The following PDCL variants were observed in gnomAD, a reference collection of about 807,000 sequenced individuals.
The protein encoded by PDCL is phosducin-like protein.
In PDCL, 11 loss-of-function variants were observed where a neutral mutation model predicts 26.7. The observed-to-expected ratio is 0.41, with a 90% CI of 0.26 to 0.68. The LOEUF (loss-of-function observed/expected upper bound fraction) is 0.68. Among genes scored for constraint, PDCL ranks in the 30% least tolerant of loss-of-function variants. The pLI, the probability that PDCL is intolerant of heterozygous loss-of-function variation, is 0.30. For missense variants in PDCL, 330 were observed against 371.6 expected, an observed-to-expected ratio of 0.89 and a Z score of 0.92; for synonymous variants, 118 against 134.9, an observed-to-expected ratio of 0.87 and a Z score of 0.87.
At chr9:122,820,792 T>C (rs1356870798) in intron 3 of PDCL, 156 bp from the exon 4 acceptor site, 9 of 562,886 alleles carry the variant, frequency 1.6e-5, no homozygotes, top group South Asian at 1.4e-4. Flanking sequence ...AAGACCAGCC[T>C]GGCCAACATG....
At chr9:122,821,553 A>ATT (rs200462377) in intron 3 of PDCL, among the ~76,000 whole-genome samples, 2,248 of 152,308 alleles carry the variant, frequency 0.015, 18 homozygotes, top group Middle Eastern at 0.027. Flanking sequence ...TAGCACGATT[A>ATT]TAAGTATTTC....
chr9:122,823,990 C>T (rs188832571), intron 2 of PDCL, among the ~76,000 whole-genome samples: 1 of 152,144 alleles, frequency 6.6e-6, no homozygotes, highest in African/African-American at 2.4e-5. Context: ...GGATGGTCTC[C>T]AACTCCTGAC....
At chr9:122,827,741 T>C (rs1039486253) in intron 1 of PDCL, among the ~76,000 whole-genome samples, 1 of 151,394 alleles carries the variant, frequency 6.6e-6, no homozygotes, top group Non-Finnish European at 1.5e-5. Flanking sequence ...CAAAAAAAAA[T>C]AAAAACTAAA....
chr9:122,824,676 C>T (rs1421223235), intron 2 of PDCL, among the ~76,000 whole-genome samples: 1 of 152,142 alleles, frequency 6.6e-6, no homozygotes, highest in African/African-American at 2.4e-5. Context: ...AAAGCAATAC[C>T]ATGTTCCTGA....
intron 1 of PDCL, among the ~76,000 whole-genome samples, chr9:122,827,430 G>A (rs1829642158): frequency 1.3e-5 from 2 of 152,136 alleles, no homozygotes; most frequent in African/African-American, 4.8e-5. Flanking sequence ...AGGGTTTAAA[G>A]GACTATGATG....
At chr9:122,823,296 C>G (rs1829578625) in intron 2 of PDCL, 99 bp from the exon 3 acceptor site, 1 of 1,118,822 alleles carries the variant, frequency 8.9e-7, no homozygotes, top group Non-Finnish European at 1.3e-6. Context: ...CTGAAGCTTG[C>G]TCCATCTACT....
chr9:122,821,508 G>C (rs1296763992), intron 3 of PDCL, among the ~76,000 whole-genome samples: 3 of 152,110 alleles, frequency 2.0e-5, no homozygotes, highest in Admixed American at 2.0e-4. Flanking sequence ...GCAGCTGTGG[G>C]TGTACCAATT....
intron 2 of PDCL, among the ~76,000 whole-genome samples, chr9:122,825,368 C>G (rs527691844): frequency 6.6e-6 from 1 of 152,122 alleles, no homozygotes; most frequent in South Asian, 2.1e-4. Context: ...CACTGTGTTG[C>G]CCAGGCTGGT....
In PDCL at chr9:122,819,930, A is replaced by G. The variant is rs963806085; in HGVS notation, c.*155T>C. ...CTTATTGCTAGCTACAAGGTTATTC[A>G]GCATTCTGATTTAATCTAAGAATTT... On this transcript the variant is annotated 3_prime_UTR_variant, in exon 4 of 4. Transcript: ENST00000259467. 3 of 601,232 alleles carry G rather than the reference A, an allele frequency of 5.0e-6. No individual in the cohort carries two copies. The highest frequency in any genetic ancestry group is 3.8e-5 in the African/African-American group (2 of 53,068). The allele number at this position is 601,232 out of a possible 1,614,324, so 37.2% of individuals were successfully genotyped here.
chr9:122,821,894 G>C (rs1369704587), intron 3 of PDCL, among the ~76,000 whole-genome samples: 7 of 151,998 alleles, frequency 4.6e-5, no homozygotes, highest in Non-Finnish European at 8.8e-5. Context: ...ATAGATTAGG[G>C]AACAGGGAGT....
intron 1 of PDCL, among the ~76,000 whole-genome samples, chr9:122,828,176 C>T (rs946532591): frequency 2.0e-5 from 3 of 152,030 alleles, no homozygotes; most frequent in Non-Finnish European, 4.4e-5. Context: ...GAAGGAGTTG[C>T]GCTCCTAAAG....
chr9:122,827,802 G>C (rs1695138716), intron 1 of PDCL, among the ~76,000 whole-genome samples: 1 of 152,156 alleles, frequency 6.6e-6, no homozygotes, highest in South Asian at 2.1e-4. Context: ...GCATTCTGAT[G>C]AAAAGATGCA....
chr9:122,820,998 C>CA (rs1228223967), intron 3 of PDCL, among the ~76,000 whole-genome samples: 1 of 150,068 alleles, frequency 6.7e-6, no homozygotes, highest in Non-Finnish European at 1.5e-5. Context: ...ACCCTGTCTC[C>CA]AAAAAAATAA....
chr9:122,824,818 A>G (rs758597082), intron 2 of PDCL, among the ~76,000 whole-genome samples: 10 of 152,266 alleles, frequency 6.6e-5, no homozygotes, highest in Admixed American at 1.3e-4. Flanking sequence ...AAAATAAAGC[A>G]AAAGTTAATT....
At chr9:122,824,311 A>G (rs1418909523) in intron 2 of PDCL, among the ~76,000 whole-genome samples, 1 of 152,186 alleles carries the variant, frequency 6.6e-6, no homozygotes, top group Non-Finnish European at 1.5e-5. Flanking sequence ...GAAGTATGCC[A>G]TGTCTGAGCA....
Position 122,824,900 on chromosome 9 carries a change from G to A in PDCL, c.173-1703C>T, listed in dbSNP as rs144360287. ...ATTAAAAACAGTATGACACAGCCCA[G>A]TAAAAGACAAATCAATGGAAGAGAC... On this transcript the variant is annotated intron_variant, in intron 2 of 3. Coordinates refer to ENST00000259467, the MANE Select transcript of PDCL (RefSeq NM_005388.5). Among the ~76,000 whole-genome samples the A allele has an allele frequency of 3.0e-3, 451 of 152,198 alleles. 2 individuals carry two copies. The highest frequency in any genetic ancestry group is 9.8e-3 in the African/African-American group (405 of 41,526).
intron 3 of PDCL, among the ~76,000 whole-genome samples, chr9:122,821,865 T>A (rs905715907): frequency 3.9e-5 from 6 of 152,112 alleles, no homozygotes; most frequent in Non-Finnish European, 7.4e-5. Context: ...TCATAAAACC[T>A]AACTCTGCCT....
In PDCL at chr9:122,820,091, T is replaced by G; in HGVS notation, c.900A>C (p.Ile300=). The part of the protein sequence containing the change: ...TCHSEDSDLE[I]D ...ATGCAACTAGACTATCAGTTCAATC[T>G]ATTTCCAGGTCGCTATCCTCACTGT... The change falls in exon 4 of 4, where the codon ATA becomes ATC. Residue 300 remains isoleucine, a synonymous_variant. Coordinates refer to ENST00000259467, the MANE Select transcript of PDCL (RefSeq NM_005388.5). 1.3e-6 allele frequency: 2 copies of G among 1,597,530 alleles called. No homozygotes were observed. The highest frequency in any genetic ancestry group is 8.5e-7 in the Non-Finnish European group (1 of 1,171,744).
At position 122,823,137 on chromosome 9, in the gene PDCL, T is replaced by G. The variant is rs1183320359; in HGVS notation, c.233A>C (p.Glu78Ala). 5 of 1,614,148 alleles carry G rather than the reference T, an allele frequency of 3.1e-6. No individual in the cohort carries two copies. Among genetic ancestry groups the G allele is most frequent in the Non-Finnish European group, 3.4e-6 (4 of 1,180,034 alleles). Residue 78 changes from glutamate to alanine, a missense_variant, in exon 3 of 4, where the codon GAG becomes GCG. Glu to Ala is a moderately radical substitution (Grantham distance 107). Transcript: ENST00000259467. ...RFKQLETEQR[E>A]EQCREMERLI... ...CCTTTCCATCTCCCGGCACTGCTCC[T>G]CCCTCTGCTCTGTCTCCAACTGCTT...
Sources: allele counts gnomAD v4.1 joint callset (sites outside exome capture counted in the v4.1 genomes callset), GRCh38; gene constraint gnomAD v4.1.1; transcripts MANE v1.5; gene names NCBI Gene and HGNC (gene_info 2026-07-23, HGNC 2026-07-21).